Variants in CTNNA2 observed in about 807,000 individuals in gnomAD.
CTNNA2 encodes catenin alpha-2.
A neutral mutation model predicts 101.0 loss-of-function variants in CTNNA2; 42 were observed. That is an observed-to-expected ratio of 0.42 (90% CI 0.32 to 0.54). CTNNA2 has a LOEUF of 0.54. Among genes scored for constraint, CTNNA2 ranks in the 20% least tolerant of loss-of-function variants. CTNNA2 has a pLI of 0.14. For synonymous variants in CTNNA2, 450 were observed against 456.4 expected, an observed-to-expected ratio of 0.99 and a Z score of 0.18; for missense variants, 871 against 1,223.1, an observed-to-expected ratio of 0.71 and a Z score of 4.29.
chr2:80,114,296 A>G (rs543998168), intron 7 of CTNNA2, among the ~76,000 whole-genome samples: 1 of 152,356 alleles, frequency 6.6e-6, no homozygotes, highest in East Asian at 1.9e-4. Context: ...TCAGGATATC[A>G]AATCCAGAGT....
chr2:80,322,550 C>T (rs1333657252), intron 7 of CTNNA2, among the ~76,000 whole-genome samples: 1 of 151,616 alleles, frequency 6.6e-6, no homozygotes, highest in Non-Finnish European at 1.5e-5. Context: ...GCCCTTGCAG[C>T]TCCGGGACGG....
chr2:79,214,377 T>G (rs964816756), intron 2 of CTNNA2, among the ~76,000 whole-genome samples: 3 of 151,626 alleles, frequency 2.0e-5, no homozygotes, highest in African/African-American at 4.8e-5. Flanking sequence ...ATTGAGGATA[T>G]GAGAGTATAA....
intron 2 of CTNNA2, among the ~76,000 whole-genome samples, chr2:79,275,034 T>C (rs907961408): frequency 6.6e-6 from 1 of 152,034 alleles, no homozygotes; most frequent in Non-Finnish European, 1.5e-5. Flanking sequence ...GAGGTGCCTC[T>C]AACTTTACCT....
intron 4 of CTNNA2, among the ~76,000 whole-genome samples, chr2:79,393,687 G>A (rs565991553): frequency 1.3e-4 from 19 of 151,328 alleles, no homozygotes; most frequent in African/African-American, 4.6e-4. Context: ...CAATGGGCTG[G>A]AGGTCACAAG....
chr2:79,433,325 C>T (rs1348196697), intron 4 of CTNNA2, among the ~76,000 whole-genome samples: 1 of 152,162 alleles, frequency 6.6e-6, no homozygotes, highest in Non-Finnish European at 1.5e-5. Context: ...ACAATTCACT[C>T]ATGGGATTAG....
chr2:79,784,366 C>T (rs139701965), intron 3 of CTNNA2, among the ~76,000 whole-genome samples: 1 of 151,772 alleles, frequency 6.6e-6, no homozygotes, highest in African/African-American at 2.4e-5. Flanking sequence ...TAACACTCAG[C>T]CTGCAGGTAA....
At chr2:79,346,042 A>C (rs1486089947) in intron 3 of CTNNA2, among the ~76,000 whole-genome samples, 1 of 152,018 alleles carries the variant, frequency 6.6e-6, no homozygotes, top group African/African-American at 2.4e-5. Context: ...TTTGGGAGCT[A>C]ATCTGTGTAT....
At chr2:79,916,708 T>A (rs7595151) in intron 7 of CTNNA2, among the ~76,000 whole-genome samples, 2 of 150,436 alleles carry the variant, frequency 1.3e-5, no homozygotes, top group African/African-American at 4.9e-5. Context: ...TCAGCCTCGC[T>A]AGTAGCTGGG....
At chr2:79,445,982 G>A (rs1441364875) in intron 4 of CTNNA2, among the ~76,000 whole-genome samples, 3 of 152,066 alleles carry the variant, frequency 2.0e-5, no homozygotes, top group Non-Finnish European at 4.4e-5. Flanking sequence ...GCAAGGTGAA[G>A]TCCCGACATA....
intron 7 of CTNNA2, among the ~76,000 whole-genome samples, chr2:79,931,016 T>A (rs990634171): frequency 2.0e-5 from 3 of 151,788 alleles, no homozygotes; most frequent in African/African-American, 7.3e-5. Flanking sequence ...AAATAATATA[T>A]GATTTTTTTT....
At chr2:80,189,760 A>C (rs1290524456) in intron 7 of CTNNA2, among the ~76,000 whole-genome samples, 5 of 150,882 alleles carry the variant, frequency 3.3e-5, no homozygotes, top group Non-Finnish European at 7.4e-5. Flanking sequence ...AAAAAAAAAC[A>C]AAACAAAAAC....
intron 9 of CTNNA2, among the ~76,000 whole-genome samples, chr2:80,441,134 A>G (rs1307580733): frequency 6.6e-6 from 1 of 152,226 alleles, no homozygotes; most frequent in Non-Finnish European, 1.5e-5. Context: ...ACGTTCAAGT[A>G]CTTGTGGAAG....
intron 2 of CTNNA2, among the ~76,000 whole-genome samples, chr2:79,247,456 T>C (rs2104266299): frequency 6.6e-6 from 1 of 152,352 alleles, no homozygotes. Context: ...GCACTTATTT[T>C]GGAGCATTGC....
At chr2:79,980,796 G>T (rs954460348) in intron 7 of CTNNA2, among the ~76,000 whole-genome samples, 6 of 152,104 alleles carry the variant, frequency 3.9e-5, no homozygotes, top group Non-Finnish European at 8.8e-5. Context: ...AATAAAAGCT[G>T]CATGATCATC....
intron 9 of CTNNA2, among the ~76,000 whole-genome samples, chr2:80,471,675 C>A (rs777373631): frequency 3.9e-5 from 6 of 152,108 alleles, no homozygotes; most frequent in Non-Finnish European, 8.8e-5. Flanking sequence ...TTGTTGCAGT[C>A]CTAGACTATG....
intron 7 of CTNNA2, 142 bp downstream of exon 7, chr2:79,909,939 TG>T (rs1685672171): frequency 1.2e-6 from 1 of 815,586 alleles, no homozygotes; most frequent in East Asian, 2.9e-5. Context: ...AGAACTGCTT[TG>T]GGAGAGCGCG....
At chr2:80,611,745 T>C (rs990276343) in intron 17 of CTNNA2, among the ~76,000 whole-genome samples, 2 of 151,638 alleles carry the variant, frequency 1.3e-5, no homozygotes, top group African/African-American at 4.8e-5. Flanking sequence ...GTAGGACTTT[T>C]AAATTAGCAT....
chr2:80,108,686 A>C (rs562468812), intron 7 of CTNNA2, among the ~76,000 whole-genome samples: 1 of 152,210 alleles, frequency 6.6e-6, no homozygotes, highest in African/African-American at 2.4e-5. Context: ...CATTTTGCTG[A>C]TTTTACTCAC....
chr2:79,928,534 T>G (rs1452894097), intron 7 of CTNNA2, among the ~76,000 whole-genome samples: 9 of 152,192 alleles, frequency 5.9e-5, no homozygotes, highest in Admixed American at 5.9e-4. Flanking sequence ...TGATAGAGAA[T>G]AGGGTATTTT....
Sources: gnomAD v4.1 joint callset for allele counts (sites outside exome capture counted in the v4.1 genomes callset) on GRCh38, gnomAD v4.1.1 for gene constraint, MANE v1.5 for transcripts, NCBI Gene and HGNC (gene_info 2026-07-23, HGNC 2026-07-21) for gene names.